The following PTPRT variants were observed in gnomAD, a reference collection of about 807,000 sequenced individuals.
PTPRT encodes the protein protein tyrosine phosphatase receptor type T.
PTPRT carries 56 observed loss-of-function variants against 176.8 expected under a neutral mutation model. The ratio of observed to expected loss-of-function variants is 0.32; its 90% CI spans 0.26 to 0.40. The LOEUF (loss-of-function observed/expected upper bound fraction) is 0.40. Among genes scored for constraint, PTPRT ranks in the 10% least tolerant of loss-of-function variants. PTPRT has a pLI of 1.00. For synonymous variants in PTPRT, 783 were observed against 739.0 expected (o/e 1.06, Z -0.96); for missense variants, 1,540 against 1,908.2 (o/e 0.81, Z 3.60).
intron 1 of PTPRT, among the ~76,000 whole-genome samples, chr20:43,132,961 T>C (rs1192751741): frequency 6.6e-6 from 1 of 152,204 alleles, no homozygotes; most frequent in Non-Finnish European, 1.5e-5. Flanking sequence ...GATTGGATAA[T>C]GCGGTTCTTA....
chr20:42,089,144 G>A (rs999408061), intron 27 of PTPRT, among the ~76,000 whole-genome samples: 5 of 151,968 alleles, frequency 3.3e-5, no homozygotes, highest in Non-Finnish European at 5.9e-5. Flanking sequence ...CTTGTCGGGC[G>A]CTGGTCACGG....
intron 11 of PTPRT, among the ~76,000 whole-genome samples, chr20:42,323,914 C>T (rs1362528422): frequency 2.0e-5 from 3 of 152,138 alleles, no homozygotes; most frequent in African/African-American, 7.2e-5. Flanking sequence ...TCATACATTG[C>T]TGTTGGAAAG....
chr20:42,333,889 C>T (rs1568784021), intron 11 of PTPRT, among the ~76,000 whole-genome samples: 1 of 152,094 alleles, frequency 6.6e-6, no homozygotes. Context: ...CCATGTTGGC[C>T]AGGCTGGTCT....
chr20:42,440,024 A>C (rs2059298055), intron 9 of PTPRT, among the ~76,000 whole-genome samples: 1 of 152,166 alleles, frequency 6.6e-6, no homozygotes, highest in African/African-American at 2.4e-5. Flanking sequence ...CTCCTGCCTC[A>C]GCCTCCCAAG....
intron 7 of PTPRT, among the ~76,000 whole-genome samples, chr20:42,569,170 C>A (rs1417689911): frequency 7.0e-6 from 1 of 142,210 alleles, no homozygotes; most frequent in Non-Finnish European, 1.5e-5. Context: ...GCATAGCTCA[C>A]CCAACCCTTA....
At chr20:42,133,044 CTTAAT>C (rs1988196325) in intron 18 of PTPRT, among the ~76,000 whole-genome samples, 2 of 152,238 alleles carry the variant, frequency 1.3e-5, no homozygotes, top group South Asian at 2.1e-4. Context: ...CAGTAGAAAC[CTTAAT>C]TTGAGTACAC....
intron 7 of PTPRT, among the ~76,000 whole-genome samples, chr20:42,554,069 C>T (rs2145624517): frequency 6.6e-6 from 1 of 152,198 alleles, no homozygotes; most frequent in Non-Finnish European, 1.5e-5. Context: ...GCAATATAAT[C>T]TTTGCAGGAT....
At chr20:42,864,335 G>A (rs1266330114) in intron 2 of PTPRT, among the ~76,000 whole-genome samples, 1 of 152,194 alleles carries the variant, frequency 6.6e-6, no homozygotes, top group African/African-American at 2.4e-5. Flanking sequence ...CACACAGAGA[G>A]AGGAGGGGAG....
Position 42,617,628 on chromosome 20 carries a change from G to C in PTPRT, c.1153+60238C>G, listed in dbSNP as rs1301473868. Reference sequence around the variant, plus strand: ...GCCACAATTTCAGATCCTGTTATTGGTCTATTCAGAGATTCAACTTCTTCC... The same window carrying C: ...GCCACAATTTCAGATCCTGTTATTGCTCTATTCAGAGATTCAACTTCTTCC... On this transcript the variant is annotated intron_variant, in intron 7 of 30. Coordinates refer to ENST00000373187, the MANE Select transcript of PTPRT (RefSeq NM_007050.6). Among the ~76,000 whole-genome samples, 2 of 138,116 alleles carry C rather than the reference G, an allele frequency of 1.4e-5. 1 individual carries two copies. Among genetic ancestry groups the C allele is most frequent in the African/African-American group, 6.4e-5 (2 of 31,490 alleles). 90.6% of individuals were successfully genotyped at this position (138,116 alleles called of 152,430 possible).
intron 2 of PTPRT, among the ~76,000 whole-genome samples, chr20:42,851,630 G>C (rs1315983369): frequency 6.6e-6 from 1 of 152,188 alleles, no homozygotes; most frequent in African/African-American, 2.4e-5. Context: ...ATGTGTCAAA[G>C]CAGGGGTCAG....
intron 8 of PTPRT, among the ~76,000 whole-genome samples, chr20:42,449,297 A>G (rs2070785199): frequency 6.6e-6 from 1 of 152,168 alleles, no homozygotes; most frequent in African/African-American, 2.4e-5. Context: ...TTGAACTAAT[A>G]AGTGCAACCT....
intron 1 of PTPRT, among the ~76,000 whole-genome samples, chr20:43,038,437 G>C (rs1345439584): frequency 1.3e-5 from 2 of 152,156 alleles, no homozygotes; most frequent in African/African-American, 4.8e-5. Flanking sequence ...ATTCGTTCCT[G>C]ATATAAAAAT....
intron 12 of PTPRT, among the ~76,000 whole-genome samples, chr20:42,296,836 T>C (rs2057394655): frequency 1.3e-5 from 2 of 152,206 alleles, no homozygotes; most frequent in Non-Finnish European, 2.9e-5. Context: ...GGATTGTTTG[T>C]AACTCAAAGG....
At chr20:42,445,695 C>T (rs2059356149) in intron 9 of PTPRT, among the ~76,000 whole-genome samples, 1 of 152,152 alleles carries the variant, frequency 6.6e-6, no homozygotes, top group Non-Finnish European at 1.5e-5. Flanking sequence ...CAAATTATAG[C>T]CCAAGTCACA....
chr20:42,049,498 G>C, the PTPRT span, among the ~76,000 whole-genome samples: 2 of 152,150 alleles, frequency 1.3e-5, no homozygotes, highest in African/African-American at 4.8e-5. Context: ...TTCCTTAAAG[G>C]GAACCTGGAA....
chr20:42,658,608 T>A (rs903702000), intron 7 of PTPRT, among the ~76,000 whole-genome samples: 5 of 152,184 alleles, frequency 3.3e-5, no homozygotes, highest in Admixed American at 2.6e-4. Flanking sequence ...TCCGTGCAGG[T>A]CTGTGAATGA....
In PTPRT at chr20:42,122,739, T is replaced by C. The variant is rs553854858; in HGVS notation, c.2848-2768A>G. Among the ~76,000 whole-genome samples the C allele has an allele frequency of 1.6e-3, 244 of 152,316 alleles. 2 individuals carry two copies. The highest frequency in any genetic ancestry group is 5.5e-3 in the African/African-American group (228 of 41,572). ...ACCCCATGAGCTTCCTCTTGCACAC[T>C]GAGTGTGTTATTTCCCTGCTTATAA... On this transcript the variant is annotated intron_variant, in intron 19 of 30. Transcript: ENST00000373187.
intron 6 of PTPRT, among the ~76,000 whole-genome samples, chr20:42,736,590 C>T (rs545274583): frequency 6.6e-6 from 1 of 152,206 alleles, no homozygotes; most frequent in Non-Finnish European, 1.5e-5. Flanking sequence ...TTCAAGAAGT[C>T]ACCTTGGATA....
chr20:42,350,217 T>TG (rs2058256640), intron 11 of PTPRT, among the ~76,000 whole-genome samples: 1 of 43,906 alleles, frequency 2.3e-5, no homozygotes, highest in Non-Finnish European at 4.5e-5. Context: ...GTTTCTTGTT[T>TG]TTTTTTTTTT....
Sources: gnomAD v4.1 joint callset for allele counts (sites outside exome capture counted in the v4.1 genomes callset) on GRCh38, gnomAD v4.1.1 for gene constraint, MANE v1.5 for transcripts, NCBI Gene and HGNC (gene_info 2026-07-23, HGNC 2026-07-21) for gene names.